KAZN: variants seen among roughly 807,000 people sequenced by gnomAD.
KAZN encodes the protein kazrin.
Under a neutral mutation model 87.4 loss-of-function variants are expected in KAZN, and 40 were observed. The ratio of observed to expected loss-of-function variants is 0.46; its 90% CI spans 0.36 to 0.60. The LOEUF (loss-of-function observed/expected upper bound fraction) is 0.60. KAZN is among the 20% of genes least tolerant of loss of function. KAZN has a pLI of 0.00. For synonymous variants in KAZN, 466 were observed against 458.3 expected, an observed-to-expected ratio of 1.02 and a Z score of -0.22; for missense variants, 898 against 1,073.9, an observed-to-expected ratio of 0.84 and a Z score of 2.29.
chr1:14,405,606 A>ATGTGTGTGTGTG lies in KAZN; in HGVS notation c.250-193347_250-193336dup, dbSNP rs111850452. On this transcript the variant is annotated intron_variant, in intron 2 of 16. Coordinates refer to the KAZN transcript ENST00000636203. ...CCTCCAGAAAAACAGACCCAATAAA[A>ATGTGTGTGTGTG]TGTGTGTGTGTGTGTGTGTGTGTGT... Among the ~76,000 whole-genome samples, 1,335 of 136,284 alleles carry ATGTGTGTGTGTG rather than the reference A, an allele frequency of 9.8e-3. 16 individuals are homozygous for ATGTGTGTGTGTG. Among genetic ancestry groups the ATGTGTGTGTGTG allele is most frequent in the African/African-American group, 0.019 (729 of 37,602 alleles). The allele number at this position is 136,284 out of a possible 152,430, so 89.4% of individuals were successfully genotyped here. A position where few individuals can be genotyped will look rare whatever the true frequency, so the allele number is the denominator to read the frequency against.
intron 1 of KAZN, among the ~76,000 whole-genome samples, chr1:13,985,168 T>C (rs1638950510): frequency 6.6e-6 from 1 of 152,120 alleles, no homozygotes; most frequent in Non-Finnish European, 1.5e-5. Context: ...ATTTTTTTTT[T>C]CAGCAGAATT....
intron 2 of KAZN, among the ~76,000 whole-genome samples, chr1:14,197,513 C>T (rs898442112): frequency 6.6e-6 from 1 of 151,520 alleles, no homozygotes; most frequent in African/African-American, 2.4e-5. Context: ...CATGGCAAAA[C>T]CCTGTCTCTA....
intron 2 of KAZN, among the ~76,000 whole-genome samples, chr1:14,261,568 G>A (rs980826318): frequency 3.0e-4 from 46 of 152,102 alleles, no homozygotes; most frequent in African/African-American, 1.0e-3. Context: ...CTCCACCGAC[G>A]AGGCACTTAA....
intron 1 of KAZN, among the ~76,000 whole-genome samples, chr1:14,814,506 G>A (rs544414288): frequency 2.0e-5 from 3 of 152,306 alleles, no homozygotes; most frequent in South Asian, 2.1e-4. Context: ...GAGCCACTGC[G>A]CCTGGCCAAA....
intron 2 of KAZN, among the ~76,000 whole-genome samples, chr1:15,007,898 T>G (rs185900566): frequency 6.6e-6 from 1 of 152,342 alleles, no homozygotes; most frequent in Non-Finnish European, 1.5e-5. Flanking sequence ...GCAAAAGCCT[T>G]GAGCCCCCAT....
At chr1:14,439,287 T>C (rs1481836281) in intron 2 of KAZN, among the ~76,000 whole-genome samples, 4 of 152,326 alleles carry the variant, frequency 2.6e-5, no homozygotes, top group Non-Finnish European at 5.9e-5. Context: ...GCAAGTTCTG[T>C]TGGCTCTGCA....
At chr1:14,420,982 T>A (rs912978379) in intron 2 of KAZN, among the ~76,000 whole-genome samples, 10 of 150,888 alleles carry the variant, frequency 6.6e-5, no homozygotes, top group Non-Finnish European at 1.2e-4. Context: ...GCTCCCACAG[T>A]GCAGCGGTGG....
Position 15,114,625 on chromosome 1 carries a change from C to T in KAZN, c.2318C>T (p.Thr773Ile). 6.3e-7 allele frequency: 1 copy of T among 1,584,724 alleles called. No individual in the cohort carries two copies. Among genetic ancestry groups the T allele is most frequent in the South Asian group, 1.2e-5 (1 of 86,606 alleles). The change falls in exon 15 of 15, where the codon ACC (threonine) becomes ATC (isoleucine). Residue 773 changes from threonine to isoleucine, a missense_variant. Around this residue, in one of 3 missense-constraint regions of KAZN, gnomAD observed 127 missense variants for 121.5 expected, o/e 1.04. Coordinates refer to ENST00000376030, the MANE Select transcript of KAZN (RefSeq NM_201628.3). ...RLEGYNSLEV[T>I]NV ...GAAGGCTACAACAGCCTGGAGGTCA[C>T]CAACGTGTAAGGAACTGGTGGCTCC... is the stretch of plus-strand genomic sequence containing the variant.
chr1:13,995,141 CTT>C (rs1191453728), intron 1 of KAZN, among the ~76,000 whole-genome samples: 6 of 150,638 alleles, frequency 4.0e-5, no homozygotes, highest in Non-Finnish European at 7.4e-5. Flanking sequence ...TATTAAAAGA[CTT>C]TGCCTTTGGG....
At chr1:14,022,485 C>CAAAAAAAAAAAAAAAAAAAAAAAAAAA (rs58713618) in intron 1 of KAZN, among the ~76,000 whole-genome samples, 2 of 110,478 alleles carry the variant, frequency 1.8e-5, no homozygotes, top group Non-Finnish European at 3.5e-5. Context: ...GTATTTAAAG[C>CAAAAAAAAAAAAAAAAAAAAAAAAAAA]AAAAAAAAAA....
chr1:14,823,644 G>A (rs983602939), intron 1 of KAZN, among the ~76,000 whole-genome samples: 3 of 152,180 alleles, frequency 2.0e-5, no homozygotes, highest in African/African-American at 7.2e-5. Flanking sequence ...CACATAGGGA[G>A]ACAAAAAGAA....
chr1:13,973,533 C>T (rs1327019100), intron 1 of KAZN, among the ~76,000 whole-genome samples: 2 of 152,232 alleles, frequency 1.3e-5, no homozygotes, highest in Non-Finnish European at 2.9e-5. Context: ...CAAATGCCTT[C>T]TCTGGATTCA....
chr1:14,657,852 GT>G (rs1181331742), intron 1 of KAZN, among the ~76,000 whole-genome samples: 2 of 150,226 alleles, frequency 1.3e-5, no homozygotes, highest in Non-Finnish European at 2.9e-5. Flanking sequence ...TTGTTTGTTT[GT>G]TTTTTGTTAG....
intron 1 of KAZN, among the ~76,000 whole-genome samples, chr1:14,164,178 T>C (rs960248560): frequency 9.9e-5 from 15 of 152,228 alleles, no homozygotes; most frequent in African/African-American, 3.6e-4. Context: ...TATTATCTTT[T>C]AGTTTCTGTG....
At chr1:14,326,317 T>C (rs1029298842) in intron 2 of KAZN, among the ~76,000 whole-genome samples, 1 of 152,132 alleles carries the variant, frequency 6.6e-6, no homozygotes, top group African/African-American at 2.4e-5. Flanking sequence ...TCCTTTCCCA[T>C]ACCACATGTA....
intron 1 of KAZN, among the ~76,000 whole-genome samples, chr1:14,744,421 T>G (rs1345014006): frequency 2.0e-5 from 3 of 152,158 alleles, no homozygotes; most frequent in African/African-American, 7.2e-5. Context: ...TTTGTTTTTT[T>G]GTTTTTTAAT....
chr1:14,705,196 C>G (rs556006439), intron 1 of KAZN, among the ~76,000 whole-genome samples: 2 of 152,294 alleles, frequency 1.3e-5, no homozygotes, highest in African/African-American at 4.8e-5. Context: ...GCACACTCAT[C>G]CCAGGTGTCT....
At chr1:14,126,777 G>C (rs1229154375) in intron 1 of KAZN, among the ~76,000 whole-genome samples, 2 of 152,132 alleles carry the variant, frequency 1.3e-5, no homozygotes, top group Admixed American at 1.3e-4. Flanking sequence ...GCTGGGTCTT[G>C]GAGAATGATG....
intron 1 of KAZN, among the ~76,000 whole-genome samples, chr1:13,998,708 T>C (rs1264206602): frequency 1.3e-5 from 2 of 151,492 alleles, no homozygotes; most frequent in Non-Finnish European, 2.9e-5. Context: ...AGCACCCAGA[T>C]TCATAAAACA....
Sources: allele counts gnomAD v4.1 joint callset (sites outside exome capture counted in the v4.1 genomes callset), GRCh38; gene constraint gnomAD v4.1.1; regional missense constraint gnomAD v4.1.1; transcripts MANE v1.5; gene names NCBI Gene and HGNC (gene_info 2026-07-23, HGNC 2026-07-21).